The following BAZ2B variants were observed in gnomAD, a reference collection of about 807,000 sequenced individuals.
The protein encoded by BAZ2B is bromodomain adjacent to zinc finger domain protein 2B.
A neutral mutation model predicts 246.0 loss-of-function variants in BAZ2B; 91 were observed. The ratio of observed to expected loss-of-function variants is 0.37; its 90% confidence interval spans 0.31 to 0.44. BAZ2B has a LOEUF of 0.44. Ranked by LOEUF, BAZ2B falls within the 20% of genes least tolerant of loss-of-function variation. The probability of loss-of-function intolerance (pLI) is 1.00; values close to 1 mark genes in which losing one functional copy is unlikely to be tolerated. For synonymous variants in BAZ2B, 855 were observed against 860.0 expected, an observed-to-expected ratio of 0.99 and a Z score of 0.10; for missense variants, 2,332 against 2,533.7, an observed-to-expected ratio of 0.92 and a Z score of 1.71.
chr2:159,666,936 G>A, the BAZ2B span, among the ~76,000 whole-genome samples: 1 of 151,968 alleles, frequency 6.6e-6, no homozygotes, highest in Non-Finnish European at 1.5e-5. Context: ...TTGGGGGTGG[G>A]GGGCAAGGGG....
At chr2:159,372,023 C>T (rs1265177183) in intron 27 of BAZ2B, among the ~76,000 whole-genome samples, 2 of 152,128 alleles carry the variant, frequency 1.3e-5, no homozygotes, top group African/African-American at 4.8e-5. Flanking sequence ...TTCTGCATAA[C>T]ATTTTCATTT....
intron 25 of BAZ2B, among the ~76,000 whole-genome samples, chr2:159,374,957 T>G (rs1576282026): frequency 6.6e-6 from 1 of 152,176 alleles, no homozygotes. Flanking sequence ...AGCTCATGTC[T>G]GTAATCCCAG....
chr2:159,352,209 C>T (rs1251556396), intron 27 of BAZ2B, among the ~76,000 whole-genome samples: 1 of 152,124 alleles, frequency 6.6e-6, no homozygotes, highest in African/African-American at 2.4e-5. Flanking sequence ...TCTCAGAGCC[C>T]TTGATCTTGT....
intron 2 of BAZ2B, among the ~76,000 whole-genome samples, chr2:159,541,676 G>A (rs1269110192): frequency 6.6e-6 from 1 of 152,152 alleles, no homozygotes; most frequent in African/African-American, 2.4e-5. Context: ...CTTGCTCTCT[G>A]TACTCCAGTC....
chr2:159,511,766 T>C (rs2082950069), intron 2 of BAZ2B, among the ~76,000 whole-genome samples: 1 of 152,146 alleles, frequency 6.6e-6, no homozygotes, highest in Non-Finnish European at 1.5e-5. Context: ...ATAAGTGGAA[T>C]TAATTAAAAT....
At chr2:159,368,654 T>C (rs1227117683) in intron 27 of BAZ2B, among the ~76,000 whole-genome samples, 1 of 152,204 alleles carries the variant, frequency 6.6e-6, no homozygotes, top group Non-Finnish European at 1.5e-5. Flanking sequence ...GAGTATAAAG[T>C]ACAACTGCTA....
the BAZ2B span, among the ~76,000 whole-genome samples, chr2:159,706,084 A>AACACACACACAGACACACACACAC: frequency 6.7e-6 from 1 of 149,660 alleles, no homozygotes; most frequent in Non-Finnish European, 1.5e-5. Flanking sequence ...AAACATATAT[A>AACACACACACAGACACACACACAC]ACACACACAC....
intron 25 of BAZ2B, among the ~76,000 whole-genome samples, chr2:159,375,565 T>C (rs1055726167): frequency 1.7e-4 from 26 of 152,206 alleles, no homozygotes; most frequent in Non-Finnish European, 3.7e-4. Flanking sequence ...ATATCAGAAC[T>C]ATGCTTTCCA....
upstream of BAZ2B, among the ~76,000 whole-genome samples, chr2:159,620,769 T>C (rs72954394): frequency 0.064 from 9,662 of 152,150 alleles, 387 homozygotes; most frequent in Non-Finnish European, 0.091. Flanking sequence ...AGGGATGTCA[T>C]GACCAAGATG....
At chr2:159,373,803 G>A (rs774917068) in intron 26 of BAZ2B, among the ~76,000 whole-genome samples, 1 of 152,116 alleles carries the variant, frequency 6.6e-6, no homozygotes, top group Non-Finnish European at 1.5e-5. Context: ...CAGCCTAGGT[G>A]CCAGAGCAAG....
chr2:159,585,692 AC>A (rs1687867944), intron 1 of BAZ2B, among the ~76,000 whole-genome samples: 1 of 152,240 alleles, frequency 6.6e-6, no homozygotes, highest in African/African-American at 2.4e-5. Context: ...TATTTCTGAT[AC>A]CCAGAATTAT....
At chr2:159,432,304 C>T (rs1348922124) in intron 9 of BAZ2B, among the ~76,000 whole-genome samples, 7 of 151,938 alleles carry the variant, frequency 4.6e-5, no homozygotes, top group Admixed American at 2.0e-4. Flanking sequence ...ATCAGAGAGT[C>T]CTCTATATGT....
intron 2 of BAZ2B, among the ~76,000 whole-genome samples, chr2:159,485,609 C>CTAG (rs1339407428): frequency 6.6e-6 from 1 of 152,024 alleles, no homozygotes; most frequent in Non-Finnish European, 1.5e-5. Context: ...CCCCTAAATA[C>CTAG]TAGTTTCCTT....
At chr2:159,363,368 A>G (rs1170466021) in intron 27 of BAZ2B, among the ~76,000 whole-genome samples, 2 of 152,198 alleles carry the variant, frequency 1.3e-5, no homozygotes, top group African/African-American at 4.8e-5. Context: ...CCAGGGTTTG[A>G]GTAGAGAATC....
the BAZ2B span, among the ~76,000 whole-genome samples, chr2:159,676,200 A>AT: frequency 1.1e-4 from 17 of 149,844 alleles, no homozygotes; most frequent in East Asian, 5.9e-4. Context: ...GCCTAGGCTA[A>AT]TTTTTTTTTT....
chr2:159,623,369 G>T, the BAZ2B span, among the ~76,000 whole-genome samples: 1 of 150,920 alleles, frequency 6.6e-6, no homozygotes, highest in East Asian at 1.9e-4. Context: ...CCCTGTCTCA[G>T]AAAAAAAACA....
At chr2:159,332,515 A>C in intron 34 of BAZ2B, 25 bp downstream of exon 34, 1 of 1,565,252 alleles carries the variant, frequency 6.4e-7, no homozygotes, top group Non-Finnish European at 8.6e-7. Flanking sequence ...ATAAAATGAA[A>C]AGTTTAGTTT....
chr2:159,347,928 A>G (rs1234931541), intron 30 of BAZ2B, among the ~76,000 whole-genome samples: 1 of 152,240 alleles, frequency 6.6e-6, no homozygotes, highest in Non-Finnish European at 1.5e-5. Context: ...TAGTGCATTA[A>G]GATATCATTT....
the BAZ2B span, among the ~76,000 whole-genome samples, chr2:159,681,092 G>T: frequency 6.6e-6 from 1 of 152,044 alleles, no homozygotes; most frequent in South Asian, 2.1e-4. Flanking sequence ...TACATAAAAT[G>T]AGCCTGCTAA....
Sources: allele counts gnomAD v4.1 joint callset (sites outside exome capture counted in the v4.1 genomes callset), GRCh38; gene constraint gnomAD v4.1.1; transcripts MANE v1.5; gene names NCBI Gene and HGNC (gene_info 2026-07-23, HGNC 2026-07-21).